FOXP1: variants seen among roughly 807,000 people sequenced by gnomAD.
FOXP1 encodes forkhead box P1.
FOXP1 carries 15 observed loss-of-function variants against 98.2 expected under a neutral mutation model. The ratio of observed to expected loss-of-function variants is 0.15; its 90% CI spans 0.10 to 0.24. FOXP1 has a LOEUF of 0.24. Ranked by LOEUF, FOXP1 falls within the 10% of genes least tolerant of loss-of-function variation. FOXP1 has a pLI of 1.00. For synonymous variants in FOXP1, 371 were observed against 314.5 expected, an observed-to-expected ratio of 1.18 and a Z score of -1.90; for missense variants, 633 against 848.5, an observed-to-expected ratio of 0.75 and a Z score of 3.15.
At chr3:71,373,706 G>C (rs2079510257) in intron 3 of FOXP1, among the ~76,000 whole-genome samples, 1 of 152,184 alleles carries the variant, frequency 6.6e-6, no homozygotes, top group Non-Finnish European at 1.5e-5. Flanking sequence ...AAGGTTTAAT[G>C]AACTCGATCA....
At chr3:71,313,715 C>G (rs1462623139) in intron 4 of FOXP1, among the ~76,000 whole-genome samples, 1 of 151,530 alleles carries the variant, frequency 6.6e-6, no homozygotes, top group Non-Finnish European at 1.5e-5. Flanking sequence ...TTAGTAGAGA[C>G]GGGGTTTCAC....
chr3:70,999,863 C>CA (rs1186097502), intron 13 of FOXP1, among the ~76,000 whole-genome samples: 2 of 152,138 alleles, frequency 1.3e-5, no homozygotes, highest in Admixed American at 6.5e-5. Flanking sequence ...GTCTTGCATA[C>CA]AAAATAGGCT....
chr3:70,994,355 T>C (rs1335012133), intron 13 of FOXP1, among the ~76,000 whole-genome samples: 1 of 152,076 alleles, frequency 6.6e-6, no homozygotes, highest in Non-Finnish European at 1.5e-5. Flanking sequence ...GAAAGTAAAC[T>C]GGGACAGTTG....
chr3:71,276,907 C>T (rs1003125900), intron 5 of FOXP1, among the ~76,000 whole-genome samples: 3 of 151,824 alleles, frequency 2.0e-5, no homozygotes, highest in East Asian at 3.9e-4. Flanking sequence ...GTTCCCCCTA[C>T]ACTTCCCAGG....
At chr3:71,547,920 C>G (rs2045488381) in intron 2 of FOXP1, among the ~76,000 whole-genome samples, 1 of 152,154 alleles carries the variant, frequency 6.6e-6, no homozygotes, top group Non-Finnish European at 1.5e-5. Flanking sequence ...GTTTCTTTCC[C>G]AACTCAGAGA....
chr3:71,313,700 T>C (rs1033514348), intron 4 of FOXP1, among the ~76,000 whole-genome samples: 12 of 151,734 alleles, frequency 7.9e-5, no homozygotes, highest in Admixed American at 7.2e-4. Context: ...TAATTTTTTG[T>C]ATTTTTAGTA....
chr3:71,442,768 C>T (rs947828202), intron 3 of FOXP1, among the ~76,000 whole-genome samples: 1 of 152,198 alleles, frequency 6.6e-6, no homozygotes, highest in Non-Finnish European at 1.5e-5. Flanking sequence ...GGATTGCAGG[C>T]GGAGTTGCCT....
chr3:71,182,502 A>ATGTGTGTGTGTGTG lies in FOXP1; in HGVS notation c.180+15686_180+15699dup, dbSNP rs1234678062. ...ATACAGAAAAGTGTAAACTATATAT[A>ATGTGTGTGTGTGTG]TGTGTGTGTGTGTGTGTGTGTGTGT... On this transcript the variant is annotated intron_variant, in intron 6 of 20. Coordinates refer to ENST00000649528, the MANE Select transcript of FOXP1 (RefSeq NM_001349338.3). Among the ~76,000 whole-genome samples, 326 of 133,672 alleles carry ATGTGTGTGTGTGTG rather than the reference A, an allele frequency of 2.4e-3. 4 individuals are homozygous for ATGTGTGTGTGTGTG. Among genetic ancestry groups the ATGTGTGTGTGTGTG allele is most frequent in the African/African-American group, 9.1e-3 (322 of 35,356 alleles). 87.7% of individuals were successfully genotyped at this position (133,672 alleles called of 152,430 possible). A position where few individuals can be genotyped will look rare whatever the true frequency, so the allele number is the denominator to read the frequency against.
chr3:71,561,764 A>G (rs2107737906), intron 2 of FOXP1, among the ~76,000 whole-genome samples: 1 of 152,338 alleles, frequency 6.6e-6, no homozygotes, highest in African/African-American at 2.4e-5. Context: ...ATCCCATGAA[A>G]ATCATCATCG....
At chr3:71,412,747 T>G (rs2082851477) in intron 3 of FOXP1, among the ~76,000 whole-genome samples, 1 of 152,070 alleles carries the variant, frequency 6.6e-6, no homozygotes, top group African/African-American at 2.4e-5. Context: ...ACCACTGACT[T>G]ACCCCCACCT....
intron 2 of FOXP1, among the ~76,000 whole-genome samples, chr3:71,527,312 G>A (rs2043469123): frequency 6.6e-6 from 1 of 152,188 alleles, no homozygotes; most frequent in Admixed American, 6.6e-5. Flanking sequence ...AGCATCAACA[G>A]CAAGATCAAG....
intron 11 of FOXP1, among the ~76,000 whole-genome samples, chr3:71,030,045 C>T (rs758268058): frequency 5.9e-5 from 9 of 152,136 alleles, no homozygotes; most frequent in Non-Finnish European, 7.3e-5. Flanking sequence ...GTAGCATACC[C>T]GATTCAGGGG....
At chr3:71,063,494 T>C (rs756969364) in intron 7 of FOXP1, among the ~76,000 whole-genome samples, 2 of 152,232 alleles carry the variant, frequency 1.3e-5, no homozygotes, top group Admixed American at 6.5e-5. Flanking sequence ...TATACATTCC[T>C]CTTGGAAAAC....
At chr3:70,966,493 C>T (rs3773497) in intron 19 of FOXP1, 39,289 of 192,384 alleles carry the variant, frequency 0.2, 4,701 homozygotes, top group Middle Eastern at 0.26. Flanking sequence ...CTGGCCGCAC[C>T]GCTCAAACTT....
chr3:71,107,395 T>A (rs2057528673), intron 7 of FOXP1, among the ~76,000 whole-genome samples: 1 of 152,218 alleles, frequency 6.6e-6, no homozygotes, highest in Non-Finnish European at 1.5e-5. Flanking sequence ...GTTTCTATCA[T>A]ATTTGTAATG....
At chr3:71,026,009 T>A (rs1191738008) in intron 11 of FOXP1, among the ~76,000 whole-genome samples, 4 of 152,194 alleles carry the variant, frequency 2.6e-5, no homozygotes, top group Non-Finnish European at 4.4e-5. Context: ...CTTGGCACAG[T>A]ACCATATTCA....
chr3:71,295,356 C>T (rs1053124777), intron 5 of FOXP1, among the ~76,000 whole-genome samples: 9 of 152,114 alleles, frequency 5.9e-5, no homozygotes, highest in Admixed American at 2.0e-4. Context: ...ACTTATATTT[C>T]AAATAACTGA....
intron 3 of FOXP1, among the ~76,000 whole-genome samples, chr3:71,391,739 T>C (rs1450134592): frequency 6.6e-6 from 1 of 152,204 alleles, no homozygotes; most frequent in African/African-American, 2.4e-5. Flanking sequence ...GGCACAGTTG[T>C]TTTGGAGAAT....
At chr3:71,279,019 G>C (rs2071220307) in intron 5 of FOXP1, among the ~76,000 whole-genome samples, 1 of 151,604 alleles carries the variant, frequency 6.6e-6, no homozygotes, top group Non-Finnish European at 1.5e-5. Context: ...TGGCGAAACT[G>C]TGTCTTCTAC....
Sources: allele counts gnomAD v4.1 joint callset (sites outside exome capture counted in the v4.1 genomes callset), GRCh38; gene constraint gnomAD v4.1.1; transcripts MANE v1.5; gene names NCBI Gene and HGNC (gene_info 2026-07-23, HGNC 2026-07-21).